Variants in AKNA observed in about 807,000 individuals in gnomAD.
The protein encoded by AKNA is AT-hook transcription factor.
In AKNA, 67 loss-of-function variants were observed where a neutral mutation model predicts 138.8. The ratio of observed to expected loss-of-function variants is 0.48; its 90% confidence interval spans 0.40 to 0.59. The LOEUF is 0.59. Ranked by LOEUF, AKNA falls within the 20% of genes least tolerant of loss-of-function variation. AKNA has a pLI of 0.00. For missense variants in AKNA, 1,813 were observed against 1,880.4 expected (o/e 0.96, Z 0.66); for synonymous variants, 737 against 754.4 (o/e 0.98, Z 0.38).
chr9:114,392,565 C>G (rs1028162910), upstream of AKNA, among the ~76,000 whole-genome samples: 1 of 152,370 alleles, frequency 6.6e-6, no homozygotes, highest in East Asian at 1.9e-4. Flanking sequence ...ACGGATGAGA[C>G]TATGTGCCAA....
downstream of AKNA, chr9:114,333,315 T>C: frequency 8.6e-7 from 1 of 1,167,338 alleles, no homozygotes. Context: ...TAACCCTGGC[T>C]GGGCACTGGA....
At chr9:114,364,277 A>T (rs1359466428) in intron 7 of AKNA, among the ~76,000 whole-genome samples, 1 of 152,008 alleles carries the variant, frequency 6.6e-6, no homozygotes, top group Non-Finnish European at 1.5e-5. Flanking sequence ...TGAGGGTGAT[A>T]AATGTAACTG....
At chr9:114,381,945 G>A (rs761745240) in intron 1 of AKNA, among the ~76,000 whole-genome samples, 4 of 151,970 alleles carry the variant, frequency 2.6e-5, no homozygotes, top group Admixed American at 6.6e-5. Context: ...CACCATGCCC[G>A]GCCCCCTCCA....
chr9:114,365,840 G>T (rs1011302605), intron 6 of AKNA, among the ~76,000 whole-genome samples: 1 of 152,192 alleles, frequency 6.6e-6, no homozygotes, highest in Non-Finnish European at 1.5e-5. Context: ...AGTCACATGT[G>T]GCCAGCAGCT....
chr9:114,358,666 C>T (rs1339657574), intron 11 of AKNA, among the ~76,000 whole-genome samples: 1 of 151,868 alleles, frequency 6.6e-6, no homozygotes, highest in Non-Finnish European at 1.5e-5. Context: ...CTCTCTCTCT[C>T]TTTTTCCACA....
At chr9:114,350,231 A>C (rs1831009243) in intron 15 of AKNA, among the ~76,000 whole-genome samples, 1 of 152,180 alleles carries the variant, frequency 6.6e-6, no homozygotes, top group South Asian at 2.1e-4. Flanking sequence ...GCAGCTGGAC[A>C]CAACTTTGCA....
upstream of AKNA, among the ~76,000 whole-genome samples, chr9:114,396,134 C>G (rs762465486): frequency 2.0e-5 from 3 of 151,946 alleles, no homozygotes; most frequent in African/African-American, 7.3e-5. Context: ...TAGGTAGACA[C>G]TAGGGAATAA....
chr9:114,383,497 G>A (rs1364713829), intron 1 of AKNA, among the ~76,000 whole-genome samples: 1 of 152,172 alleles, frequency 6.6e-6, no homozygotes, highest in Non-Finnish European at 1.5e-5. Context: ...TCACACAAAG[G>A]CCTTCTTCCA....
At chr9:114,349,427 A>G (rs2787346) in intron 15 of AKNA, among the ~76,000 whole-genome samples, 23,424 of 151,958 alleles carry the variant, frequency 0.15, 5,735 homozygotes, top group African/African-American at 0.52. Context: ...ACCAAGTCTC[A>G]TGGGCCCAAC....
chr9:114,380,429 T>C (rs1249333485), intron 2 of AKNA, among the ~76,000 whole-genome samples: 1 of 152,152 alleles, frequency 6.6e-6, no homozygotes, highest in Non-Finnish European at 1.5e-5. Context: ...AAAAAGCAGG[T>C]TACAAGGAAG....
rs565752787 is a variant in AKNA, at chr9:114,362,143, A to C, written c.1917-232T>G. Among the ~76,000 whole-genome samples, 290 of 152,332 alleles carry C rather than the reference A, an allele frequency of 1.9e-3. 3 individuals carry two copies. Among genetic ancestry groups the C allele is most frequent in the African/African-American group, 6.7e-3 (278 of 41,572 alleles). ...TGCCATCCACAGGCTGTGGGACATTAGAGAAATCCCACCCCCATCTAGCCT... is the reference window on the plus strand; with the variant it reads ...TGCCATCCACAGGCTGTGGGACATTCGAGAAATCCCACCCCCATCTAGCCT... On this transcript the variant is annotated intron_variant, in intron 8 of 21. Coordinates refer to ENST00000374088, the MANE Select transcript of AKNA (RefSeq NM_001317950.2).
intron 6 of AKNA, among the ~76,000 whole-genome samples, chr9:114,367,339 A>C (rs1423797757): frequency 6.6e-6 from 1 of 152,092 alleles, no homozygotes; most frequent in East Asian, 1.9e-4. Flanking sequence ...GAGACCTAGC[A>C]CTGGTGACAA....
intron 19 of AKNA, among the ~76,000 whole-genome samples, chr9:114,342,939 G>T (rs974690707): frequency 2.0e-5 from 3 of 152,242 alleles, no homozygotes; most frequent in African/African-American, 4.8e-5. Flanking sequence ...AGCACAGGAA[G>T]AGCATAGTGG....
chr9:114,347,584 C>T (rs2131825955), intron 16 of AKNA, 140 bp downstream of exon 16: 3 of 903,478 alleles, frequency 3.3e-6, no homozygotes, highest in Non-Finnish European at 4.8e-6. Flanking sequence ...AGTGAACAAG[C>T]TCAACAGTGA....
At chr9:114,391,807 T>TCATGTCAC (rs1834348752), upstream of AKNA, among the ~76,000 whole-genome samples, 2 of 140,680 alleles carry the variant, frequency 1.4e-5, no homozygotes, top group African/African-American at 2.7e-5. Flanking sequence ...TGAGTCGAGA[T>TCATGTCAC]TGCACCATTG....
chr9:114,367,590 C>G lies in AKNA; in HGVS notation c.1681G>C (p.Glu561Gln). 1.2e-6 allele frequency: 2 copies of G among 1,613,452 alleles called. No homozygotes were observed. Among genetic ancestry groups the G allele is most frequent in the South Asian group, 2.2e-5 (2 of 91,052 alleles). ...RDISEDQSSA[E>Q]QTQALASQAS... ...TGAGAAGCCAGTGCCTGGGTCTGCT[C>G]TGCTGAGGACTGGTCCTCAGAGATG... is the stretch of plus-strand genomic sequence containing the variant. The change falls in exon 6 of 22, where the codon GAG (glutamate) becomes CAG (glutamine). Residue 561 changes from glutamate (E) to glutamine (Q), a missense_variant. Coordinates refer to ENST00000374088, the MANE Select transcript of AKNA (RefSeq NM_001317950.2).
At chr9:114,340,477 C>T (rs73548983) in intron 21 of AKNA, among the ~76,000 whole-genome samples, 3,382 of 152,294 alleles carry the variant, frequency 0.022, 111 homozygotes, top group African/African-American at 0.076. Context: ...TCTGTGATGG[C>T]GAAGCTACTG....
At chr9:114,391,236 T>G (rs1040030675), upstream of AKNA, among the ~76,000 whole-genome samples, 1 of 152,210 alleles carries the variant, frequency 6.6e-6, no homozygotes, top group Non-Finnish European at 1.5e-5. Context: ...ATAACCAAGC[T>G]TGGTGCTCAC....
At chr9:114,368,312 G>T in intron 5 of AKNA, 127 bp downstream of exon 5, 1 of 1,082,166 alleles carries the variant, frequency 9.2e-7, no homozygotes, top group Non-Finnish European at 1.2e-6. Context: ...TGCCCAGGGT[G>T]GGGCCTTGCC....
Sources: gnomAD v4.1 joint callset for allele counts (sites outside exome capture counted in the v4.1 genomes callset) on GRCh38, gnomAD v4.1.1 for gene constraint, MANE v1.5 for transcripts, NCBI Gene and HGNC (gene_info 2026-07-23, HGNC 2026-07-21) for gene names.